Variants in NRAP observed in about 807,000 individuals in gnomAD.
NRAP encodes the protein nebulin-related-anchoring protein.
In NRAP, 189 loss-of-function variants were observed where a neutral mutation model predicts 225.9. That is an observed-to-expected ratio of 0.84 (90% CI 0.74 to 0.94). The LOEUF is 0.94. NRAP is among the 40% of genes least tolerant of loss of function. The pLI is 0.00. For missense variants in NRAP, 2,176 were observed against 2,168.7 expected (o/e 1.00, Z -0.07); for synonymous variants, 769 against 790.7 (o/e 0.97, Z 0.46).
intron 39 of NRAP, 118 bp downstream of exon 39, chr10:113,592,076 G>T: frequency 1.9e-6 from 1 of 539,554 alleles, no homozygotes; most frequent in Non-Finnish European, 3.3e-6. Context: ...TACATGTTCA[G>T]TTTTGGTGCA....
At chr10:113,633,951 C>T (rs1157825629) in intron 15 of NRAP, among the ~76,000 whole-genome samples, 161 bp downstream of exon 15, 1 of 152,010 alleles carries the variant, frequency 6.6e-6, no homozygotes, top group Non-Finnish European at 1.5e-5. Context: ...TCAAAATTTT[C>T]CATAATAAAA....
intron 31 of NRAP, among the ~76,000 whole-genome samples, chr10:113,609,966 G>GAAA (rs556665671): frequency 8.6e-6 from 1 of 116,596 alleles, no homozygotes; most frequent in Non-Finnish European, 1.8e-5. Flanking sequence ...AATCCAGTAA[G>GAAA]AAAAAAAAAA....
chr10:113,633,279 T>C (rs1420419659), intron 15 of NRAP, 91 bp from the exon 16 acceptor site: 1 of 726,648 alleles, frequency 1.4e-6, no homozygotes. Flanking sequence ...AGACCCATAG[T>C]TGAGAAGGAG....
chr10:113,633,049 A>AC (rs781289693), intron 16 of NRAP, 35 bp downstream of exon 16: 1 of 1,054,554 alleles, frequency 9.5e-7, no homozygotes, highest in South Asian at 1.3e-5. Flanking sequence ...TCGCTCTATA[A>AC]CCCCCTCCAC....
rs572383144 is a variant in NRAP at position 113,622,287 on chromosome 10, A to G, written c.2458-107T>C. On this transcript the variant is annotated intron_variant, in intron 23 of 41. Transcript: ENST00000359988. Reference sequence around the variant, plus strand: ...AAACAAAGCCATTGGACAGAATCCTATTAGAATTAGAATCATATGAAAGTT... The same window carrying G: ...AAACAAAGCCATTGGACAGAATCCTGTTAGAATTAGAATCATATGAAAGTT... 5.9e-4 allele frequency: 413 copies of G among 705,008 alleles called. 1 individual carries two copies. The highest frequency in any genetic ancestry group is 1.7e-3 in the Middle Eastern group (6 of 3,558). 43.7% of individuals were successfully genotyped at this position (705,008 alleles called of 1,614,324 possible). A position where few individuals can be genotyped will look rare whatever the true frequency, so the allele number is the denominator to read the frequency against.
intron 9 of NRAP, among the ~76,000 whole-genome samples, chr10:113,649,416 C>T (rs1564754893): frequency 6.6e-6 from 1 of 152,200 alleles, no homozygotes; most frequent in Non-Finnish European, 1.5e-5. Context: ...CAACTGTGAA[C>T]AATAATGCTT....
chr10:113,619,118 A>G (rs376938950), intron 25 of NRAP, among the ~76,000 whole-genome samples: 6 of 152,184 alleles, frequency 3.9e-5, no homozygotes, highest in African/African-American at 1.4e-4. Context: ...AAATTTGTTG[A>G]GAAAGTATGC....
intron 35 of NRAP, among the ~76,000 whole-genome samples, chr10:113,601,999 C>T (rs1846633770): frequency 6.6e-6 from 1 of 152,212 alleles, no homozygotes; most frequent in Admixed American, 6.5e-5. Context: ...CATCCTCCCA[C>T]CTCAGCCTCC....
At position 113,663,810 on chromosome 10, in the gene NRAP, C is replaced by G. The variant is rs762960359; in HGVS notation, c.72+1G>C. ...ACAAAAGCCAAGAAATGTCTACTGA[C>G]CTGATCTATACAGCTGATCTTCTCG... On this transcript the variant is annotated splice_donor_variant, in intron 1 of 41. Transcript: ENST00000359988. LOFTEE classifies it high-confidence loss of function. The G allele has an allele frequency of 1.9e-6, 3 of 1,610,278 alleles. No individual in the cohort carries two copies. Among genetic ancestry groups the G allele is most frequent in the Admixed American group, 1.7e-5 (1 of 60,016 alleles).
intron 35 of NRAP, among the ~76,000 whole-genome samples, chr10:113,603,259 C>G (rs1846719032): frequency 6.6e-6 from 1 of 152,108 alleles, no homozygotes; most frequent in Non-Finnish European, 1.5e-5. Flanking sequence ...AGTGGGGGAG[C>G]TATGGTTGGA....
chr10:113,663,053 T>C (rs1037020293), intron 2 of NRAP, among the ~76,000 whole-genome samples: 6 of 152,146 alleles, frequency 3.9e-5, no homozygotes, highest in African/African-American at 1.4e-4. Context: ...TAAAAGAAAA[T>C]ACTTCAAAGC....
chr10:113,648,461 CTCTCTCTATATATA>C (rs1451225900), intron 9 of NRAP, among the ~76,000 whole-genome samples: 1 of 125,860 alleles, frequency 7.9e-6, no homozygotes, highest in African/African-American at 3.1e-5. Flanking sequence ...CTCTCTCTCT[CTCTCTCTATATATA>C]TATATATATA....
chr10:113,630,070 G>T (rs1415521107), intron 18 of NRAP, among the ~76,000 whole-genome samples: 1 of 152,124 alleles, frequency 6.6e-6, no homozygotes, highest in East Asian at 1.9e-4. Flanking sequence ...AATTCTCATA[G>T]ATGCTTTAAG....
At chr10:113,661,056 A>G (rs935370827) in intron 3 of NRAP, among the ~76,000 whole-genome samples, 3 of 152,218 alleles carry the variant, frequency 2.0e-5, no homozygotes, top group Non-Finnish European at 2.9e-5. Flanking sequence ...TATTTATTGT[A>G]ATTTCATGTA....
intron 35 of NRAP, among the ~76,000 whole-genome samples, chr10:113,601,300 A>AGG (rs1846585341): frequency 6.6e-6 from 1 of 152,244 alleles, no homozygotes; most frequent in Non-Finnish European, 1.5e-5. Flanking sequence ...GGGGAGGGCA[A>AGG]AGTCAGGAGA....
At chr10:113,600,155 T>TTCTCTCTCTCTCTCTCTGTCTCTCTC (rs1846511962) in intron 35 of NRAP, among the ~76,000 whole-genome samples, 9 of 140,196 alleles carry the variant, frequency 6.4e-5, no homozygotes, top group African/African-American at 2.4e-4. Context: ...AGGGGTTATA[T>TTCTCTCTCTCTCTCTCTGTCTCTCTC]TCTCTCTCTC....
chr10:113,633,671 T>C (rs137967317), intron 15 of NRAP, among the ~76,000 whole-genome samples: 3 of 152,294 alleles, frequency 2.0e-5, no homozygotes, highest in East Asian at 3.9e-4. Context: ...CTTTGGATGA[T>C]TGGTGAAACT....
chr10:113,651,633 C>G (rs1292754057), intron 7 of NRAP, among the ~76,000 whole-genome samples, 170 bp downstream of exon 7: 1 of 152,132 alleles, frequency 6.6e-6, no homozygotes, highest in African/African-American at 2.4e-5. Flanking sequence ...AGGATAATGG[C>G]CTCCAGCTCC....
At chr10:113,657,811 G>A (rs1850397617) in intron 3 of NRAP, among the ~76,000 whole-genome samples, 1 of 152,178 alleles carries the variant, frequency 6.6e-6, no homozygotes, top group Admixed American at 6.5e-5. Context: ...TGCAATTAAA[G>A]TGACTGAGAT....
Sources: gnomAD v4.1 joint callset for allele counts (sites outside exome capture counted in the v4.1 genomes callset) on GRCh38, gnomAD v4.1.1 for gene constraint, MANE v1.5 for transcripts, NCBI Gene and HGNC (gene_info 2026-07-23, HGNC 2026-07-21) for gene names.